CREB3: variants seen among roughly 807,000 people sequenced by gnomAD.
CREB3 encodes the protein cyclic AMP-responsive element-binding protein 3.
CREB3 carries 29 observed loss-of-function variants against 34.5 expected under a neutral mutation model. That is an observed-to-expected ratio of 0.84 (90% confidence interval 0.63 to 1.15). CREB3 has a LOEUF of 1.15. CREB3 is among the 50% of genes most tolerant of loss of function. The probability of loss-of-function intolerance (pLI) is 0.00; values close to 1 mark genes in which losing one functional copy is unlikely to be tolerated. For missense variants in CREB3, 447 were observed against 443.4 expected (o/e 1.01, Z -0.07); for synonymous variants, 187 against 173.9 (o/e 1.08, Z -0.59).
At position 35,736,809 on chromosome 9, in the gene CREB3, G is replaced by T; in HGVS notation, c.*83G>T. ...AAATAAAAAGCGGTGGGCAAGGGCT[G>T]GCCGCAGCTCCTGTGCCCTGTCAGG... On this transcript the variant is annotated 3_prime_UTR_variant, in exon 9 of 9. Coordinates refer to ENST00000353704, the MANE Select transcript of CREB3 (RefSeq NM_006368.5). The T allele has an allele frequency of 7.7e-7, 1 of 1,291,414 alleles. No homozygotes were observed. Among genetic ancestry groups the T allele is most frequent in the Non-Finnish European group, 1.1e-6 (1 of 928,152 alleles). The allele number at this position is 1,291,414 out of a possible 1,614,324, so 80.0% of individuals were successfully genotyped here. A position where few individuals can be genotyped will look rare whatever the true frequency, so the allele number is the denominator to read the frequency against.
Position 35,736,444 on chromosome 9 carries a change from G to C in CREB3, c.834G>C (p.Glu278Asp). ...ALPSEDPYQL[E>D]LPALQSEVPK... ...CCAGTGAGGACCCTTACCAGCTGGA[G>C]CTGCCTGCCCTGCAGTCAGAAGTGC... The change falls in exon 9 of 9, where the codon GAG (glutamate) becomes GAC (aspartate). Residue 278 changes from glutamate (E) to aspartate (D), a missense_variant. Glu to Asp is a conservative substitution (Grantham distance 45). Transcript: ENST00000353704. 6.2e-7 allele frequency: 1 copy of C among 1,614,154 alleles called. No homozygotes were observed. The highest frequency in any genetic ancestry group is 8.5e-7 in the Non-Finnish European group (1 of 1,180,048).
chr9:35,735,991 T>C, intron 6 of CREB3, 57 bp from the exon 7 acceptor site: 2 of 1,346,096 alleles, frequency 1.5e-6, no homozygotes, highest in South Asian at 2.3e-5. Context: ...GGAGTTTCAC[T>C]GTGTCTCAGG....
chr9:35,733,311 T>G (rs1276063837), intron 3 of CREB3, 29 bp downstream of exon 3: 11 of 1,613,448 alleles, frequency 6.8e-6, no homozygotes, highest in Middle Eastern at 3.3e-4. Context: ...AGGAGATTAC[T>G]CTCACATTCC....
At position 35,733,261 on chromosome 9, in the gene CREB3, T is replaced by C. The variant is rs928105130; in HGVS notation, c.324T>C (p.His108=). 6.2e-7 allele frequency: 1 copy of C among 1,614,144 alleles called. No homozygotes were observed. Among genetic ancestry groups the C allele is most frequent in the Non-Finnish European group, 8.5e-7 (1 of 1,180,016 alleles). The change falls in exon 3 of 9, where the codon CAT becomes CAC. Residue 108 remains histidine, a synonymous_variant. Transcript: ENST00000353704. The part of the protein sequence containing the change: ...RKEGTQMTPQ[H]MEELAEQEIA... The stretch of plus-strand genomic sequence containing the variant: ...AGGGGACCCAGATGACTCCACAGCA[T>C]ATGGAGGAGCTGGCAGAGCAGGTAC...
chr9:35,736,690 C>T lies in CREB3; in HGVS notation c.1080C>T (p.Ser360=), dbSNP rs1420629699. The change falls in exon 9 of 9, where the codon AGC becomes AGT. Residue 360 remains serine, a synonymous_variant. Transcript: ENST00000353704. ...TRKGGWLPTG[S]PSVILQDRYS... Reference sequence around the variant, plus strand: ...AGGGAGGATGGCTTCCTACTGGTAGCCCCTCTGTCATTTTGCAGGACAGAT... The same window carrying T: ...AGGGAGGATGGCTTCCTACTGGTAGTCCCTCTGTCATTTTGCAGGACAGAT... 5 of 1,611,336 alleles carry T rather than the reference C, an allele frequency of 3.1e-6. 1 individual carries two copies. The East Asian group carries it at 6.7e-5, about 22-fold the overall frequency.
Position 35,733,043 on chromosome 9 carries a change from T to G in CREB3, c.177T>G (p.Ser59Arg), listed in dbSNP as rs376087731. Residue 59 changes from serine to arginine, a missense_variant, in exon 2 of 9, where the codon AGT becomes AGG. Transcript: ENST00000353704. ...EVDDLLCSLLSPPASLNILSS... is the reference protein window; with the variant it reads ...EVDDLLCSLLRPPASLNILSS... ...ATGATTTGCTGTGCTCCCTGCTGAG[T>G]CCCCCAGCGTCGTTGAACATTCTCA... The G allele has an allele frequency of 1.9e-6, 3 of 1,613,978 alleles. No individual in the cohort carries two copies. The highest frequency in any genetic ancestry group is 2.5e-6 in the Non-Finnish European group (3 of 1,180,022).
At position 35,736,684 on chromosome 9, in the gene CREB3, TG is replaced by T. The variant is rs758573261; in HGVS notation, c.1076del (p.Gly359ValfsTer60). 1 of 1,611,944 alleles carries T rather than the reference TG, an allele frequency of 6.2e-7. No individual in the cohort carries two copies. Among genetic ancestry groups the T allele is most frequent in the Non-Finnish European group, 8.5e-7 (1 of 1,179,952 alleles). On this transcript the variant is annotated frameshift_variant, in exon 9 of 9. Coordinates refer to ENST00000353704, the MANE Select transcript of CREB3 (RefSeq NM_006368.5). LOFTEE classifies it high-confidence loss of function. ...CAAGGAAGGGAGGATGGCTTCCTAC[TG>T]GTAGCCCCTCTGTCATTTTGCAGGA... ...LTRKGGWLPTGSPSVILQDRY... is the reference protein window; with the variant it reads ...LTRKGGWLPTXSPSVILQDRY...
intron 4 of CREB3, among the ~76,000 whole-genome samples, chr9:35,734,906 T>TA (rs1826165879): frequency 6.7e-6 from 1 of 149,870 alleles, no homozygotes; most frequent in African/African-American, 2.5e-5. Flanking sequence ...GCCCGACCAG[T>TA]TTTTTTTTTA....
chr9:35,733,238 G>C lies in CREB3; in HGVS notation c.301G>C (p.Gly101Arg), dbSNP rs1003181197. 2 of 1,614,020 alleles carry C rather than the reference G, an allele frequency of 1.2e-6. No homozygotes were observed. The highest frequency in any genetic ancestry group is 2.7e-5 in the African/African-American group (2 of 74,882). Residue 101 changes from glycine (G) to arginine (R), a missense_variant, in exon 3 of 9, where the codon GGG becomes CGG. Transcript: ENST00000353704. ...DLESESCRKE[G>R]TQMTPQHMEE... ...AGAGAGTGAGAGCTGTAGAAAAGAG[G>C]GGACCCAGATGACTCCACAGCATAT...
Position 35,736,813 on chromosome 9 carries a change from G to A in CREB3, c.*87G>A, listed in dbSNP as rs1012989100. On this transcript the variant is annotated 3_prime_UTR_variant, in exon 9 of 9. Transcript: ENST00000353704. ...AAAAAGCGGTGGGCAAGGGCTGGCC[G>A]CAGCTCCTGTGCCCTGTCAGGACGA... 6.9e-5 allele frequency: 87 copies of A among 1,262,278 alleles called. No homozygotes were observed. Among genetic ancestry groups the A allele is most frequent in the South Asian group, 1.8e-4 (13 of 74,088 alleles). 78.2% of individuals were successfully genotyped at this position (1,262,278 alleles called of 1,614,324 possible).
intron 6 of CREB3, among the ~76,000 whole-genome samples, chr9:35,735,776 G>C (rs994476749): frequency 3.3e-5 from 5 of 152,256 alleles, no homozygotes; most frequent in African/African-American, 9.6e-5. Context: ...TGATCAGACA[G>C]TGGGGAACGA....
chr9:35,735,522 T>A, intron 6 of CREB3, 148 bp downstream of exon 6: 1 of 694,234 alleles, frequency 1.4e-6, no homozygotes, highest in Non-Finnish European at 2.5e-6. Context: ...AGGAATACAT[T>A]TACAAGTAAC....
In CREB3 at chr9:35,733,404, T is replaced by C. The variant is rs1356545331; in HGVS notation, c.354T>C (p.Ala118=). ...HMEELAEQEI[A]RLVLTDEEKS... ...CTTTCTTGTTACCCTAGGAGATTGC[T>C]AGGCTAGTACTGACAGATGAGGAGA... is the stretch of plus-strand genomic sequence containing the variant. Residue 118 remains alanine (A), a synonymous_variant, in exon 4 of 9, where the codon GCT becomes GCC. Transcript: ENST00000353704. 4 of 1,613,818 alleles carry C rather than the reference T, an allele frequency of 2.5e-6. No individual in the cohort carries two copies. The highest frequency in any genetic ancestry group is 3.4e-6 in the Non-Finnish European group (4 of 1,179,712).
chr9:35,735,241 G>T (rs754493996), intron 5 of CREB3, 26 bp downstream of exon 5: 74 of 1,612,036 alleles, frequency 4.6e-5, no homozygotes, highest in African/African-American at 3.9e-4. Flanking sequence ...GGACTCTGTT[G>T]TAAGTATTAG....
At chr9:35,736,178 G>A (rs1315880864) in intron 7 of CREB3, 46 bp downstream of exon 7, 15 of 1,611,574 alleles carry the variant, frequency 9.3e-6, no homozygotes, top group Non-Finnish European at 1.3e-5. Flanking sequence ...AGTTGGTGGG[G>A]ACAGGGCAAT....
intron 8 of CREB3, 23 bp downstream of exon 8, chr9:35,736,334 T>C (rs750524876): frequency 3.7e-5 from 60 of 1,613,660 alleles, no homozygotes; most frequent in Non-Finnish European, 4.8e-5. Flanking sequence ...AGGATAGCTC[T>C]CAGACAGGGC....
In CREB3 at chr9:35,736,262, T is replaced by A. The variant is rs775988589; in HGVS notation, c.732T>A (p.Pro244=). The A allele has an allele frequency of 6.2e-7, 1 of 1,614,182 alleles. No homozygotes were observed. Among genetic ancestry groups the A allele is most frequent in the Non-Finnish European group, 8.5e-7 (1 of 1,180,020 alleles). The part of the protein sequence containing the change: ...LLVSFCLLLV[P]AMYSSDTRGS... ...TCTCCTTCTGCCTCCTCCTTGTACC[T>A]GCTATGTACTCCTCTGACACAAGGG... The change falls in exon 8 of 9, where the codon CCT becomes CCA. Residue 244 remains proline, a synonymous_variant. Coordinates refer to ENST00000353704, the MANE Select transcript of CREB3 (RefSeq NM_006368.5).
chr9:35,734,694 A>G (rs1209290047), intron 4 of CREB3, among the ~76,000 whole-genome samples: 1 of 152,198 alleles, frequency 6.6e-6, no homozygotes, highest in Non-Finnish European at 1.5e-5. Flanking sequence ...CTCAGGCTCA[A>G]GTGATCCTCC....
At position 35,732,891 on chromosome 9, in the gene CREB3, C is replaced by G. The variant is rs1826116241; in HGVS notation, c.119C>G (p.Pro40Arg). ...AGGGCCCCACTGGACTGGGCGCTGC[C>G]GCTTTCTGAGGTAGGTTGGGGTTCT... Reference protein sequence around the residue: ...AVRAPLDWALPLSEVPSDWEV... With the variant: ...AVRAPLDWALRLSEVPSDWEV... Residue 40 changes from proline (P) to arginine (R), a missense_variant, in exon 1 of 9, where the codon CCG (proline) becomes CGG (arginine). By Grantham distance (103) the Pro-to-Arg change is moderately radical (BLOSUM62 -2). Coordinates refer to ENST00000353704, the MANE Select transcript of CREB3 (RefSeq NM_006368.5). This position sits in a 1 kb window ranked among gnomAD's most constrained non-coding sequence, Gnocchi z 5.1. 1 of 1,613,686 alleles carries G rather than the reference C, an allele frequency of 6.2e-7. No individual in the cohort carries two copies. Among genetic ancestry groups the G allele is most frequent in the Admixed American group, 1.7e-5 (1 of 59,898 alleles).
Sources: allele counts gnomAD v4.1 joint callset (sites outside exome capture counted in the v4.1 genomes callset), GRCh38; gene constraint gnomAD v4.1.1; non-coding constraint Gnocchi (gnomAD v3.1); transcripts MANE v1.5; gene names NCBI Gene and HGNC (gene_info 2026-07-23, HGNC 2026-07-21).